The following CEP44 variants were observed in gnomAD, a reference collection of about 807,000 sequenced individuals.
CEP44 encodes centrosomal protein of 44 kDa.
A neutral mutation model predicts 46.7 loss-of-function variants in CEP44; 45 were observed. The ratio of observed to expected loss-of-function variants is 0.96; its 90% confidence interval spans 0.76 to 1.24. The LOEUF is 1.24. Ranked by LOEUF, CEP44 falls within the 50% of genes most tolerant of loss-of-function variation. The pLI, the probability that CEP44 is intolerant of heterozygous loss-of-function variation, is 0.00. For synonymous variants in CEP44, 142 were observed against 146.0 expected (o/e 0.97, Z 0.20); for missense variants, 475 against 459.7 (o/e 1.03, Z -0.30).
rs940335470 is a variant in CEP44 at position 174,302,145 on chromosome 4, A to T, written c.196A>T (p.Ile66Leu). The T allele has an allele frequency of 6.2e-7, 1 of 1,609,100 alleles. No homozygotes were observed. Among genetic ancestry groups the T allele is most frequent in the South Asian group, 1.1e-5 (1 of 90,000 alleles). Residue 66 changes from isoleucine to leucine, a missense_variant, in exon 4 of 12, where the codon ATA becomes TTA. Physicochemically the swap from Ile to Leu is conservative, Grantham distance 5. Coordinates refer to ENST00000503780, the MANE Select transcript of CEP44 (RefSeq NM_001040157.3). The stretch of plus-strand genomic sequence containing the variant: ...TATAATGGAATCCAATGTAGAGCTC[A>T]TAGCAAAAAATGACTTGCGCTTTAT... Reference protein sequence around the residue: ...ELIMESNVELIAKNDLRFIDA... With the variant: ...ELIMESNVELLAKNDLRFIDA...
In CEP44 at chr4:174,318,032, A is replaced by C. The variant is rs1741928891; in HGVS notation, c.*649A>C. ...ATGGTCTCAAGGTTCACCATGAGAA[A>C]TGTGTTGAACATTTTAGTATGCTCT... On this transcript the variant is annotated 3_prime_UTR_variant, in exon 12 of 12. Transcript: ENST00000503780. The C allele has an allele frequency of 1.0e-6, 1 of 985,292 alleles. No homozygotes were observed. Among genetic ancestry groups the C allele is most frequent in the Non-Finnish European group, 1.2e-6 (1 of 829,828 alleles). The allele number at this position is 985,292 out of a possible 1,614,324, so 61.0% of individuals were successfully genotyped here.
chr4:174,304,470 T>C, intron 6 of CEP44, 101 bp downstream of exon 6: 3 of 1,465,782 alleles, frequency 2.0e-6, no homozygotes, highest in Non-Finnish European at 2.7e-6. Context: ...AACATTCTAG[T>C]TAGATATTGG....
downstream of CEP44, among the ~76,000 whole-genome samples, chr4:174,321,827 A>G (rs191971463): frequency 4.6e-3 from 705 of 152,306 alleles, 6 homozygotes; most frequent in African/African-American, 0.016. Context: ...TAAAAAAAGC[A>G]TCTTAAGTTT....
intron 6 of CEP44, 116 bp from the exon 7 acceptor site, chr4:174,308,573 C>T (rs1740709033): frequency 1.1e-6 from 1 of 915,944 alleles, no homozygotes; most frequent in South Asian, 1.8e-5. Context: ...ACCCCCATGG[C>T]ACACATTTAC....
chr4:174,332,961 T>C lies in CEP44; in HGVS notation c.*1366T>C, dbSNP rs143104246. On this transcript the variant is annotated 3_prime_UTR_variant, in exon 9 of 9. Transcript: ENST00000426172. ...CTAATAGAAACAATCCACCAGGATG[T>C]TGAGCCCACATTTTAAGAGTTCTTC... 28 of 152,238 alleles carry C rather than the reference T, an allele frequency of 1.8e-4. No individual in the cohort carries two copies. In the East Asian group the frequency reaches 5.4e-3, roughly 29 times the overall value. The allele number at this position is 152,238 out of a possible 1,614,324, so 9.4% of individuals were successfully genotyped here.
chr4:174,299,014 T>C, intron 2 of CEP44, 58 bp from the exon 3 acceptor site: 1 of 947,352 alleles, frequency 1.1e-6, no homozygotes, highest in African/African-American at 1.7e-5. Flanking sequence ...CAAAATAGAA[T>C]CAAGAAGCTT....
rs1392610464 is a variant in CEP44, at chr4:174,309,683, A to T, written c.679-167A>T. ...AGGCATCAAGATCATAAATCTCAGA[A>T]CTGGTTTAAGTGGCCAAGTAGTCTC... On this transcript the variant is annotated intron_variant, in intron 7 of 11. Coordinates refer to ENST00000503780, the MANE Select transcript of CEP44 (RefSeq NM_001040157.3). This position sits in a 1 kb window ranked among gnomAD's most constrained non-coding sequence, Gnocchi z 5.3. Among the ~76,000 whole-genome samples the T allele has an allele frequency of 2.0e-5, 3 of 151,884 alleles. No homozygotes were observed. The highest frequency in any genetic ancestry group is 4.4e-5 in the Non-Finnish European group (3 of 67,902).
At chr4:174,307,967 G>T (rs115898087) in intron 6 of CEP44, among the ~76,000 whole-genome samples, 1 of 152,216 alleles carries the variant, frequency 6.6e-6, no homozygotes, top group East Asian at 1.9e-4. Flanking sequence ...ACAGATGCTC[G>T]TGAGTTTGTG....
Position 174,331,822 on chromosome 4 carries a change from A to G in CEP44, c.*227A>G, listed in dbSNP as rs1731331767. ...CAGAAATTTCTCAAAATGTCTGCTGATAGCCCCTCACTCATATTTTTCATG... is the reference window on the plus strand; with the variant it reads ...CAGAAATTTCTCAAAATGTCTGCTGGTAGCCCCTCACTCATATTTTTCATG... On this transcript the variant is annotated 3_prime_UTR_variant, in exon 9 of 9. Transcript: ENST00000426172. This position sits in a 1 kb window ranked among gnomAD's most constrained non-coding sequence, Gnocchi z 4.5. 1 of 457,486 alleles carries G rather than the reference A, an allele frequency of 2.2e-6. No homozygotes were observed. Among genetic ancestry groups the G allele is most frequent in the Non-Finnish European group, 3.7e-6 (1 of 269,366 alleles). 28.3% of individuals were successfully genotyped at this position (457,486 alleles called of 1,614,324 possible).
At chr4:174,306,117 A>G (rs942652693) in intron 6 of CEP44, among the ~76,000 whole-genome samples, 6 of 152,114 alleles carry the variant, frequency 3.9e-5, no homozygotes, top group Admixed American at 2.6e-4. Flanking sequence ...TAGTATGCCT[A>G]TTTGCGCTTC....
Position 174,325,705 on chromosome 4 carries a change from G to T in CEP44, c.1087-5777G>T, listed in dbSNP as rs981199843. ...GAAGTCTCCAACTAGAACTGTAGATGAAGACTAAAAAACTTTTATTTTTTC... is the reference window on the plus strand; with the variant it reads ...GAAGTCTCCAACTAGAACTGTAGATTAAGACTAAAAAACTTTTATTTTTTC... On this transcript the variant is annotated intron_variant, in intron 8 of 8. Coordinates refer to the CEP44 transcript ENST00000426172. This position sits in a 1 kb window ranked among gnomAD's most constrained non-coding sequence, Gnocchi z 4.4. 1.3e-5 allele frequency among the ~76,000 whole-genome samples: 2 copies of T among 152,050 alleles called. No individual in the cohort carries two copies. The highest frequency in any genetic ancestry group is 1.3e-4 in the Admixed American group (2 of 15,258).
rs1355915400 is a variant in CEP44, at chr4:174,331,496, G to T, written c.1101G>T (p.Trp367Cys). 6.4e-7 allele frequency: 1 copy of T among 1,551,192 alleles called. No homozygotes were observed. The highest frequency in any genetic ancestry group is 1.4e-5 in the African/African-American group (1 of 73,002). Residue 367 changes from tryptophan (W) to cysteine (C), a missense_variant, in exon 9 of 9, where the codon TGG becomes TGT. Transcript: ENST00000426172. The surrounding 1 kb of genome is among the most constrained non-coding windows in gnomAD (Gnocchi z 4.5). ...TTCCTTTCTAGAATTTTCCTGCATG[G>T]AGTGCTACATCCTCTTGTTCCAGTC...
chr4:174,325,188 A>G (rs1185734443), downstream of CEP44, among the ~76,000 whole-genome samples: 1 of 152,130 alleles, frequency 6.6e-6, no homozygotes, highest in East Asian at 1.9e-4. This position sits in a 1 kb window ranked among gnomAD's most constrained non-coding sequence, Gnocchi z 4.4. Flanking sequence ...GATATTCCCA[A>G]TTGTATTTAG....
downstream of CEP44, among the ~76,000 whole-genome samples, chr4:174,321,159 C>A (rs1742291449): frequency 6.6e-6 from 1 of 152,138 alleles, no homozygotes; most frequent in African/African-American, 2.4e-5. Context: ...TTCTTCATTA[C>A]ACAAAGAACC....
Position 174,319,897 on chromosome 4 carries a change from T to C in CEP44, c.*2514T>C. 1.0e-6 allele frequency: 1 copy of C among 985,316 alleles called. No individual in the cohort carries two copies. Among genetic ancestry groups the C allele is most frequent in the Non-Finnish European group, 1.2e-6 (1 of 829,808 alleles). 61.0% of individuals were successfully genotyped at this position (985,316 alleles called of 1,614,324 possible). ...CTTGTTTAGGCAATTTGGTAAGTGGTTTCTAGTTATAAACTAGCCACTGTT... is the reference window on the plus strand; with the variant it reads ...CTTGTTTAGGCAATTTGGTAAGTGGCTTCTAGTTATAAACTAGCCACTGTT... On this transcript the variant is annotated 3_prime_UTR_variant, in exon 12 of 12. Coordinates refer to ENST00000503780, the MANE Select transcript of CEP44 (RefSeq NM_001040157.3).
rs973609372 is a variant in CEP44 at position 174,283,939 on chromosome 4, C to G, written c.-152C>G. 1 of 399,000 alleles carries G rather than the reference C, an allele frequency of 2.5e-6. No individual in the cohort carries two copies. Among genetic ancestry groups the G allele is most frequent in the Non-Finnish European group, 4.4e-6 (1 of 226,280 alleles). The allele number at this position is 399,000 out of a possible 1,614,324, so 24.7% of individuals were successfully genotyped here. A position where few individuals can be genotyped will look rare whatever the true frequency, so the allele number is the denominator to read the frequency against. On this transcript the variant is annotated 5_prime_UTR_variant, in exon 1 of 12. Transcript: ENST00000503780. The surrounding 1 kb of genome is among the most constrained non-coding windows in gnomAD (Gnocchi z 6.7). ...GAAGCTCCCAGCTTTGAAGGTCTTG[C>G]GGTGGTGCGTGGCGGGCAGGAACCC...
chr4:174,312,389 A>G lies in CEP44; in HGVS notation c.961+1531A>G, dbSNP rs950106606. Among the ~76,000 whole-genome samples, 4 of 152,066 alleles carry G rather than the reference A, an allele frequency of 2.6e-5. No individual in the cohort carries two copies. Among genetic ancestry groups the G allele is most frequent in the Middle Eastern group, 3.4e-3 (1 of 294 alleles). On this transcript the variant is annotated intron_variant, in intron 9 of 11. Transcript: ENST00000503780. The surrounding 1 kb of genome is among the most constrained non-coding windows in gnomAD (Gnocchi z 4.5). ...CTCCTAGATGTTAACTCCTTGGCTT[A>G]AAGTGATCCTCCTTTCTCAGCCTCC...
intron 1 of CEP44, among the ~76,000 whole-genome samples, chr4:174,289,683 TTTAG>T (rs1737960703): frequency 1.3e-5 from 2 of 152,132 alleles, no homozygotes; most frequent in South Asian, 4.1e-4. Flanking sequence ...AAGAGGAACT[TTTAG>T]TTTTGTCAAT....
chr4:174,294,313 A>C (rs1738591254), intron 1 of CEP44, among the ~76,000 whole-genome samples: 1 of 151,904 alleles, frequency 6.6e-6, no homozygotes, highest in African/African-American at 2.4e-5. Flanking sequence ...TAATCCATTT[A>C]ACCCTGAGTG....
Sources: allele counts gnomAD v4.1 joint callset (sites outside exome capture counted in the v4.1 genomes callset), GRCh38; gene constraint gnomAD v4.1.1; non-coding constraint Gnocchi (gnomAD v3.1); transcripts MANE v1.5; gene names NCBI Gene and HGNC (gene_info 2026-07-23, HGNC 2026-07-21).